KCNAB2: variants seen among roughly 807,000 people sequenced by gnomAD.
The protein encoded by KCNAB2 is potassium voltage-gated channel subfamily A regulatory beta subunit 2, also known as voltage-gated potassium channel subunit beta-2.
In KCNAB2, 29 loss-of-function variants were observed where a neutral mutation model predicts 63.6. The observed-to-expected ratio is 0.46, with a 90% CI of 0.34 to 0.62. The LOEUF (loss-of-function observed/expected upper bound fraction) is 0.62. Ranked by LOEUF, KCNAB2 falls within the 20% of genes least tolerant of loss-of-function variation. The pLI is 0.01. For missense variants in KCNAB2, 359 were observed against 563.9 expected (o/e 0.64, Z 3.68); for synonymous variants, 222 against 224.2 (o/e 0.99, Z 0.09).
Position 6,097,471 on chromosome 1 carries a change from G to A in KCNAB2, c.1158+114G>A, listed in dbSNP as rs75127134. 5.8e-3 allele frequency: 8,772 copies of A among 1,523,216 alleles called. 271 individuals carry two copies. The African/African-American group carries it at 0.082, about 14-fold the overall frequency. The allele number at this position is 1,523,216 out of a possible 1,614,324, so 94.4% of individuals were successfully genotyped here. On this transcript the variant is annotated intron_variant, in intron 15 of 15. Coordinates refer to ENST00000378083, the MANE Select transcript of KCNAB2 (RefSeq NM_001199862.2). ...GCTCTGTTCTAGGCACTCAGGATGC[G>A]CCCGTGAACCATCAGAGTTGTGCTC... is the stretch of plus-strand genomic sequence containing the variant.
chr1:6,013,522 G>A (rs1007252019), intron 1 of KCNAB2, among the ~76,000 whole-genome samples: 16 of 152,196 alleles, frequency 1.1e-4, no homozygotes, highest in African/African-American at 3.1e-4. Context: ...GTGGATGCCC[G>A]ACCAGCATCT....
At chr1:6,070,620 G>T (rs1400902610) in intron 2 of KCNAB2, among the ~76,000 whole-genome samples, 1 of 152,180 alleles carries the variant, frequency 6.6e-6, no homozygotes, top group African/African-American at 2.4e-5. Context: ...ATAAAGAAAA[G>T]GTTACCCTCC....
chr1:6,088,232 CTT>C (rs70981312), intron 7 of KCNAB2, among the ~76,000 whole-genome samples: 89 of 119,080 alleles, frequency 7.5e-4, no homozygotes, highest in Admixed American at 2.0e-3. Context: ...CTCTCTCTCT[CTT>C]TTTTTTTTTT....
chr1:6,098,440 CG>C (rs1557521687), intron 15 of KCNAB2, 44 bp from the exon 16 acceptor site: 5 of 1,610,124 alleles, frequency 3.1e-6, no homozygotes, highest in Non-Finnish European at 4.2e-6. Context: ...AGGCCAGGCC[CG>C]TCTTGTTGGT....
At chr1:6,025,046 T>C (rs1199653501) in intron 1 of KCNAB2, among the ~76,000 whole-genome samples, 1 of 152,216 alleles carries the variant, frequency 6.6e-6, no homozygotes, top group Non-Finnish European at 1.5e-5. Flanking sequence ...TTTTTCATTT[T>C]CCCATTCGTT....
At chr1:6,080,663 C>A (rs74049395) in intron 4 of KCNAB2, among the ~76,000 whole-genome samples, 2,247 of 152,314 alleles carry the variant, frequency 0.015, 46 homozygotes, top group African/African-American at 0.05. Context: ...ATACACCCCC[C>A]ACCCACAAAC....
upstream of KCNAB2, among the ~76,000 whole-genome samples, chr1:6,031,432 C>G (rs1453835994): frequency 6.6e-6 from 1 of 152,212 alleles, no homozygotes; most frequent in Non-Finnish European, 1.5e-5. The surrounding 1 kb of genome is among the most constrained non-coding windows in gnomAD (Gnocchi z 4.1). Flanking sequence ...TGGTCCCAGG[C>G]CCCCCATTCT....
intron 4 of KCNAB2, among the ~76,000 whole-genome samples, chr1:6,077,415 T>G (rs1663756773): frequency 6.6e-6 from 1 of 152,214 alleles, no homozygotes; most frequent in Non-Finnish European, 1.5e-5. Flanking sequence ...GCTCCCTCTC[T>G]TTCCTGCCTC....
rs1197129628 is a variant in KCNAB2, at chr1:6,086,032, T to G, written c.425+784T>G. The G allele has an allele frequency of 2.3e-5, 23 of 985,378 alleles. No individual in the cohort carries two copies. Among genetic ancestry groups the G allele is most frequent in the Admixed American group, 6.1e-5 (1 of 16,272 alleles). The allele number at this position is 985,378 out of a possible 1,614,324, so 61.0% of individuals were successfully genotyped here. ...CCCAGGCCAAGGTCCTCACCCACCT[T>G]GGGACCAACTGGGCTGAGCACTTGC... On this transcript the variant is annotated intron_variant, in intron 6 of 15. Transcript: ENST00000378083. This position sits in a 1 kb window ranked among gnomAD's most constrained non-coding sequence, Gnocchi z 4.2.
rs1247642609 is a variant in KCNAB2 at position 6,073,353 on chromosome 1, GCAGGA to G, written c.263-379_263-375del. Among the ~76,000 whole-genome samples, 8 of 152,012 alleles carry G rather than the reference GCAGGA, an allele frequency of 5.3e-5. No homozygotes were observed. The highest frequency in any genetic ancestry group is 1.0e-4 in the Non-Finnish European group (7 of 68,020). ...ACACCGCCCTCCCCGCTCTGTCCCA[GCAGGA>G]GCACGCAGACGCGGCTGTCAGACCT... On this transcript the variant is annotated intron_variant, in intron 3 of 15. Transcript: ENST00000378083. This position sits in a 1 kb window ranked among gnomAD's most constrained non-coding sequence, Gnocchi z 5.7.
intron 2 of KCNAB2, among the ~76,000 whole-genome samples, 153 bp from the exon 3 acceptor site, chr1:6,072,602 G>A (rs1663299655): frequency 6.6e-6 from 1 of 152,214 alleles, no homozygotes; most frequent in Non-Finnish European, 1.5e-5. Flanking sequence ...GTGAGCAGAG[G>A]CACCTCTCTG....
rs1367355499 is a variant in KCNAB2 at position 6,035,956 on chromosome 1, C to T, written c.-53+1162C>T. 1 of 152,782 alleles carries T rather than the reference C, an allele frequency of 6.5e-6. No individual in the cohort carries two copies. The highest frequency in any genetic ancestry group is 1.5e-5 in the Non-Finnish European group (1 of 68,578). 9.5% of individuals were successfully genotyped at this position (152,782 alleles called of 1,614,324 possible). On this transcript the variant is annotated intron_variant, in intron 1 of 15. Coordinates refer to the KCNAB2 transcript ENST00000164247. This position sits in a 1 kb window ranked among gnomAD's most constrained non-coding sequence, Gnocchi z 5.0. ...GAGGGATGAGAGGGGAGCGTGGAGT[C>T]CTGGGAGCTGGGGAAGCCGCAGGCA...
intron 1 of KCNAB2, among the ~76,000 whole-genome samples, chr1:6,023,320 G>A (rs187944374): frequency 4.1e-4 from 62 of 152,308 alleles, no homozygotes; most frequent in Middle Eastern, 3.4e-3. Context: ...ATCCCCAGAA[G>A]TGGAATTGCT....
chr1:6,032,326 A>G (rs1181218053), upstream of KCNAB2, among the ~76,000 whole-genome samples: 1 of 152,218 alleles, frequency 6.6e-6, no homozygotes, highest in Non-Finnish European at 1.5e-5. Flanking sequence ...CACACCTGTA[A>G]TCCCAGCACT....
At chr1:6,083,816 C>G (rs1175834586) in intron 5 of KCNAB2, among the ~76,000 whole-genome samples, 1 of 152,230 alleles carries the variant, frequency 6.6e-6, no homozygotes, top group Non-Finnish European at 1.5e-5. Flanking sequence ...CTAATTTGCA[C>G]GCTTCTCAGA....
In KCNAB2 at chr1:6,084,708, T is replaced by C. The variant is rs531413516; in HGVS notation, c.381-496T>C. On this transcript the variant is annotated intron_variant, in intron 5 of 15. Coordinates refer to ENST00000378083, the MANE Select transcript of KCNAB2 (RefSeq NM_001199862.2). ...GCAGGTGCCTGTAGTCCCAGCTACT[T>C]GGGAGGCTGAGGCAGGAGAACTGCT... 1.5e-3 allele frequency among the ~76,000 whole-genome samples: 229 copies of C among 151,392 alleles called. 1 individual carries two copies. The highest frequency in any genetic ancestry group is 2.1e-3 in the Non-Finnish European group (143 of 67,890).
At chr1:6,057,776 C>A (rs370101909) in intron 2 of KCNAB2, among the ~76,000 whole-genome samples, 1 of 152,110 alleles carries the variant, frequency 6.6e-6, no homozygotes, top group Non-Finnish European at 1.5e-5. Context: ...GTGGCCACAT[C>A]GCTCCAACCT....
At chr1:6,040,766 T>G (rs1352796276) in intron 2 of KCNAB2, 5 of 638,552 alleles carry the variant, frequency 7.8e-6, no homozygotes. Context: ...CCCACAGGCT[T>G]CTGCCTTCCA....
chr1:6,031,925 G>A (rs149850583), upstream of KCNAB2, among the ~76,000 whole-genome samples: 13 of 152,106 alleles, frequency 8.5e-5, no homozygotes, highest in African/African-American at 2.2e-4. This position sits in a 1 kb window ranked among gnomAD's most constrained non-coding sequence, Gnocchi z 4.1. Context: ...ATGGGGCAGC[G>A]TGGAGAGGAA....
Sources: gnomAD v4.1 joint callset for allele counts (sites outside exome capture counted in the v4.1 genomes callset) on GRCh38, gnomAD v4.1.1 for gene constraint, Gnocchi (gnomAD v3.1) non-coding constraint, MANE v1.5 for transcripts, NCBI Gene and HGNC (gene_info 2026-07-23, HGNC 2026-07-21) for gene names.